Variants in CIAO3 observed in about 807,000 individuals in gnomAD.
CIAO3 encodes cytosolic iron-sulfur assembly component 3.
Under a neutral mutation model 51.5 loss-of-function variants are expected in CIAO3, and 45 were observed. That is an observed-to-expected ratio of 0.87 (90% confidence interval 0.69 to 1.12). The LOEUF is 1.12. CIAO3 is among the 50% of genes most tolerant of loss of function. The pLI, the probability that CIAO3 is intolerant of heterozygous loss-of-function variation, is 0.00. For missense variants in CIAO3, 668 were observed against 632.5 expected, an observed-to-expected ratio of 1.06 and a Z score of -0.60; for synonymous variants, 314 against 269.3, an observed-to-expected ratio of 1.17 and a Z score of -1.63.
At chr16:740,156 C>G in intron 1 of CIAO3, 1 of 1,273,844 alleles carries the variant, frequency 7.9e-7, no homozygotes, top group Non-Finnish European at 1.0e-6. Context: ...GGATTTCTCT[C>G]TCTTCTCCTT....
chr16:736,101 T>C (rs2041334373), intron 4 of CIAO3, among the ~76,000 whole-genome samples, 165 bp downstream of exon 4: 1 of 152,060 alleles, frequency 6.6e-6, no homozygotes, highest in South Asian at 2.1e-4. Flanking sequence ...CTCTCAAATG[T>C]CAAATCAAAA....
intron 9 of CIAO3, chr16:731,269 C>G: frequency 1.6e-6 from 1 of 618,070 alleles, no homozygotes. Flanking sequence ...GGCCCTCCCT[C>G]CTGGGATGTG....
At chr16:735,235 G>A (rs11859601) in intron 4 of CIAO3, 6 of 230,546 alleles carry the variant, frequency 2.6e-5, no homozygotes, top group Admixed American at 2.0e-4. Flanking sequence ...ACAGCTGGAC[G>A]CAGCCTGCTG....
At chr16:734,618 C>A (rs531757274) in intron 5 of CIAO3, 119 bp downstream of exon 5, 1 of 1,568,174 alleles carries the variant, frequency 6.4e-7, no homozygotes, top group East Asian at 2.2e-5. Flanking sequence ...CAACCCGTCC[C>A]GCAAAACCTG....
chr16:740,647 G>T (rs11248948), intron 1 of CIAO3: 152,383 of 512,602 alleles, frequency 0.3, 30,726 homozygotes, highest in East Asian at 0.78. Flanking sequence ...CCGCGACCAC[G>T]GGACCCTCCC....
chr16:734,888 G>A lies in CIAO3; in HGVS notation c.440-17C>T, dbSNP rs1439957941. On this transcript the variant is annotated splice_polypyrimidine_tract_variant and intron_variant, in intron 4 of 10. Coordinates refer to ENST00000251588, the MANE Select transcript of CIAO3 (RefSeq NM_022493.3). The stretch of plus-strand genomic sequence containing the variant: ...AGTGCACCCCTGGAAGGTGAAGGTG[G>A]GTGCCTGGTTAACCCCATGCGGGAC... 2 of 1,538,070 alleles carry A rather than the reference G, an allele frequency of 1.3e-6. No individual in the cohort carries two copies. Among genetic ancestry groups the A allele is most frequent in the South Asian group, 2.5e-5 (2 of 80,452 alleles).
chr16:729,803 A>T lies in CIAO3; in HGVS notation c.*614T>A. ...GTGCGTTTATTAGACAAACGCTGGG[A>T]GACAGGCCTGGTGGGGACCTGGCTG... On this transcript the variant is annotated 3_prime_UTR_variant, in exon 11 of 11. Coordinates refer to ENST00000251588, the MANE Select transcript of CIAO3 (RefSeq NM_022493.3). The T allele has an allele frequency of 9.6e-7, 1 of 1,040,010 alleles. No homozygotes were observed. The highest frequency in any genetic ancestry group is 1.3e-6 in the Non-Finnish European group (1 of 781,416). 64.4% of individuals were successfully genotyped at this position (1,040,010 alleles called of 1,614,324 possible).
chr16:734,311 A>G lies in CIAO3; in HGVS notation c.611T>C (p.Phe204Ser), dbSNP rs764913653. 6.2e-7 allele frequency: 1 copy of G among 1,611,736 alleles called. No homozygotes were observed. The highest frequency in any genetic ancestry group is 1.7e-5 in the Admixed American group (1 of 60,010). ...ICYAEKTHGS[F>S]ILPHISTARS... Reference sequence around the variant, plus strand: ...GGCGGTGCTGATGTGGGGGAGGATGAAGCTGCCGTGAGTCTTCTCGGCATA... The same window carrying G: ...GGCGGTGCTGATGTGGGGGAGGATGGAGCTGCCGTGAGTCTTCTCGGCATA... Residue 204 changes from phenylalanine (F) to serine (S), a missense_variant, in exon 6 of 11, where the codon TTC becomes TCC. Phe to Ser is a radical substitution (Grantham distance 155). Coordinates refer to ENST00000251588, the MANE Select transcript of CIAO3 (RefSeq NM_022493.3).
Position 737,252 on chromosome 16 carries a change from G to C in CIAO3, c.240C>G (p.Ser80=), listed in dbSNP as rs549562925. 5.6e-6 allele frequency: 9 copies of C among 1,613,488 alleles called. No individual in the cohort carries two copies. Among genetic ancestry groups the C allele is most frequent in the Non-Finnish European group, 6.8e-6 (8 of 1,180,020 alleles). ...DCLACSGCIT[S]AETVLITQQS... ...GCTGGGTGATAAGCACGGTCTCTGC[G>C]GAGGTGATGCAGCCGCTGCACGCCA... The change falls in exon 3 of 11, where the codon TCC becomes TCG. Residue 80 remains serine (S), a synonymous_variant. Coordinates refer to ENST00000251588, the MANE Select transcript of CIAO3 (RefSeq NM_022493.3). The surrounding 1 kb of genome is among the most constrained non-coding windows in gnomAD (Gnocchi z 5.3).
chr16:733,212 G>C lies in CIAO3; in HGVS notation c.823+86C>G. 3.3e-6 allele frequency: 5 copies of C among 1,536,516 alleles called. No homozygotes were observed. The East Asian group carries it at 9.1e-5, about 28-fold the overall frequency. On this transcript the variant is annotated intron_variant, in intron 7 of 10. Coordinates refer to ENST00000251588, the MANE Select transcript of CIAO3 (RefSeq NM_022493.3). ...CTCCAGCCAGGGCCCCCACAGGCAG[G>C]ATCCTGGGCAGTCGCCACCTGTGCC...
chr16:731,855 C>CACTTGTTGTTTTTTTTTG, intron 8 of CIAO3, 153 bp from the exon 9 acceptor site: 2 of 1,029,532 alleles, frequency 1.9e-6, no homozygotes, highest in Non-Finnish European at 2.7e-6. Context: ...CCAGCCATCA[C>CACTTGTTGTTTTTTTTTG]AGGGGCCCAG....
intron 1 of CIAO3, 136 bp downstream of exon 1, chr16:740,784 G>A: frequency 1.2e-6 from 1 of 869,026 alleles, no homozygotes; most frequent in Non-Finnish European, 1.8e-6. Context: ...GGTCGATAGA[G>A]TCCCTGACGG....
chr16:732,482 G>T (rs778751336), intron 7 of CIAO3, 109 bp from the exon 8 acceptor site: 7 of 1,269,140 alleles, frequency 5.5e-6, no homozygotes, highest in Non-Finnish European at 5.7e-6. Context: ...GGCCCCAGAA[G>T]GCCCCAAATG....
chr16:734,700 G>A, intron 5 of CIAO3, 37 bp downstream of exon 5: 2 of 1,612,670 alleles, frequency 1.2e-6, no homozygotes, highest in Non-Finnish European at 1.7e-6. Flanking sequence ...AACTGCACTT[G>A]AACTTGACTC....
At position 734,785 on chromosome 16, in the gene CIAO3, G is replaced by A; in HGVS notation, c.526C>T (p.Gln176Ter). The A allele has an allele frequency of 6.2e-7, 1 of 1,609,870 alleles. No homozygotes were observed. The highest frequency in any genetic ancestry group is 8.5e-7 in the Non-Finnish European group (1 of 1,177,540). ...QREFVRRFRG[Q>*]ADCRQALPLL... ...GGCAGCGCCTGTCTGCAGTCGGCCT[G>A]TCCTCGGAATCGCCGCACAAACTCT... Residue 176 changes from glutamine to a stop codon, truncating the protein, a stop_gained, in exon 5 of 11, where the codon CAG (glutamine) becomes TAG (stop). Transcript: ENST00000251588. LOFTEE classifies it high-confidence loss of function.
At chr16:730,764 C>T (rs1215070008) in intron 10 of CIAO3, 79 bp downstream of exon 10, 3 of 1,585,358 alleles carry the variant, frequency 1.9e-6, no homozygotes, top group African/African-American at 1.3e-5. Flanking sequence ...CACTTCCTCC[C>T]ACTCCCAGCC....
Position 739,562 on chromosome 16 carries a change from C to T in CIAO3, c.162+81G>A, listed in dbSNP as rs767284017. On this transcript the variant is annotated intron_variant, in intron 2 of 10. Transcript: ENST00000251588. ...GACCTGGAGTGTCTCGGGGTCACCGCTCTGTGACGGGAGGAAGCAGAGAAA... is the reference window on the plus strand; with the variant it reads ...GACCTGGAGTGTCTCGGGGTCACCGTTCTGTGACGGGAGGAAGCAGAGAAA... 7.9e-6 allele frequency: 11 copies of T among 1,391,404 alleles called. No homozygotes were observed. In the African/African-American group the frequency reaches 8.5e-5, roughly 11 times the overall value. The allele number at this position is 1,391,404 out of a possible 1,614,324, so 86.2% of individuals were successfully genotyped here. A position where few individuals can be genotyped will look rare whatever the true frequency, so the allele number is the denominator to read the frequency against.
chr16:734,510 C>T (rs1199766175), intron 5 of CIAO3, 163 bp from the exon 6 acceptor site: 2 of 872,336 alleles, frequency 2.3e-6, no homozygotes, highest in East Asian at 2.6e-5. Context: ...CGGAGCTCGG[C>T]GTGCAGGCGA....
At chr16:740,659 C>G (rs982932650) in intron 1 of CIAO3, 2 of 527,860 alleles carry the variant, frequency 3.8e-6, no homozygotes, top group Non-Finnish European at 6.7e-6. Context: ...GACCCTCCCA[C>G]GCAGCCCGCC....
Sources: allele counts gnomAD v4.1 joint callset (sites outside exome capture counted in the v4.1 genomes callset), GRCh38; gene constraint gnomAD v4.1.1; non-coding constraint Gnocchi (gnomAD v3.1); transcripts MANE v1.5; gene names NCBI Gene and HGNC (gene_info 2026-07-23, HGNC 2026-07-21).